The following MARCHF1 variants were observed in gnomAD, a reference collection of about 807,000 sequenced individuals.
MARCHF1 encodes membrane associated ring-CH-type finger 1, also known as E3 ubiquitin-protein ligase MARCHF1.
MARCHF1 carries 40 observed loss-of-function variants against 54.2 expected under a neutral mutation model. The ratio of observed to expected loss-of-function variants is 0.74; its 90% CI spans 0.57 to 0.96. The LOEUF (loss-of-function observed/expected upper bound fraction) is 0.96, where lower values mean the gene tolerates loss of function less well. Among genes scored for constraint, MARCHF1 ranks in the 40% least tolerant of loss-of-function variants. The pLI is 0.00. For synonymous variants in MARCHF1, 236 were observed against 236.3 expected, an observed-to-expected ratio of 1.00 and a Z score of 0.01; for missense variants, 586 against 656.5, an observed-to-expected ratio of 0.89 and a Z score of 1.17.
chr4:164,034,482 A>G (rs1160966521), intron 2 of MARCHF1, among the ~76,000 whole-genome samples: 1 of 152,212 alleles, frequency 6.6e-6, no homozygotes, highest in African/African-American at 2.4e-5. Context: ...TATGTACCCA[A>G]AGGAAAATAA....
At chr4:163,887,424 AG>A (rs757651516) in intron 3 of MARCHF1, among the ~76,000 whole-genome samples, 22 of 152,104 alleles carry the variant, frequency 1.4e-4, no homozygotes, top group Non-Finnish European at 2.2e-4. Flanking sequence ...AAAAGAAAAG[AG>A]GCAAGTGTCC....
intron 1 of MARCHF1, among the ~76,000 whole-genome samples, chr4:164,153,984 C>A (rs572566111): frequency 4.1e-4 from 62 of 152,196 alleles, no homozygotes; most frequent in Non-Finnish European, 7.4e-4. Context: ...GCTCTATTAA[C>A]CTGTTCTATA....
At chr4:164,179,772 A>T (rs1413479635) in intron 1 of MARCHF1, among the ~76,000 whole-genome samples, 1 of 151,790 alleles carries the variant, frequency 6.6e-6, no homozygotes, top group Non-Finnish European at 1.5e-5. Flanking sequence ...TCTCTTTTTT[A>T]AAAAAGAAAA....
intron 1 of MARCHF1, among the ~76,000 whole-genome samples, chr4:164,174,321 A>G (rs1375211425): frequency 6.6e-6 from 1 of 152,232 alleles, no homozygotes; most frequent in Non-Finnish European, 1.5e-5. Flanking sequence ...GGTTGATTGA[A>G]GTGAAGTAAA....
intron 4 of MARCHF1, among the ~76,000 whole-genome samples, chr4:163,805,863 C>T (rs1211459745): frequency 6.6e-6 from 1 of 152,138 alleles, no homozygotes; most frequent in Admixed American, 6.5e-5. Flanking sequence ...GTTCTCTTAC[C>T]TTTGCCAAAA....
chr4:164,330,274 A>T (rs568335641), intron 1 of MARCHF1: 1 of 152,072 alleles, frequency 6.6e-6, no homozygotes, highest in African/African-American at 2.4e-5. Context: ...GAGCCTACAC[A>T]TTCTTTACAG....
intron 4 of MARCHF1, among the ~76,000 whole-genome samples, chr4:163,824,736 A>G (rs1167520240): frequency 5.8e-5 from 5 of 86,632 alleles, no homozygotes; most frequent in African/African-American, 1.8e-4. Flanking sequence ...TTCACAACCT[A>G]CTCATCTGAC....
intron 5 of MARCHF1, among the ~76,000 whole-genome samples, chr4:163,662,679 T>C (rs192071282): frequency 6.6e-6 from 1 of 152,126 alleles, no homozygotes; most frequent in Admixed American, 6.6e-5. Flanking sequence ...AAAAGCTGAT[T>C]AGGTCTATGT....
intron 1 of MARCHF1, among the ~76,000 whole-genome samples, chr4:164,300,166 C>G (rs1734517067): frequency 6.6e-6 from 1 of 152,140 alleles, no homozygotes; most frequent in Admixed American, 6.6e-5. Context: ...TTCCTCCCTA[C>G]TTCCATCACT....
intron 7 of MARCHF1, among the ~76,000 whole-genome samples, chr4:163,608,477 G>C (rs1741215438): frequency 1.3e-5 from 2 of 152,180 alleles, no homozygotes; most frequent in South Asian, 4.1e-4. Flanking sequence ...GCACCTTCCA[G>C]TGAGGGCGAT....
At chr4:163,800,345 T>C (rs1378781108) in intron 4 of MARCHF1, among the ~76,000 whole-genome samples, 1 of 152,000 alleles carries the variant, frequency 6.6e-6, no homozygotes, top group Admixed American at 6.6e-5. Flanking sequence ...TTATATATTA[T>C]TATTAATTAT....
chr4:163,968,908 C>T (rs1260125737), intron 3 of MARCHF1, among the ~76,000 whole-genome samples: 1 of 152,100 alleles, frequency 6.6e-6, no homozygotes, highest in Non-Finnish European at 1.5e-5. Flanking sequence ...ATTAGGAGGG[C>T]TAAGCTTAAT....
At chr4:164,060,181 A>G (rs1754584908) in intron 2 of MARCHF1, among the ~76,000 whole-genome samples, 1 of 152,096 alleles carries the variant, frequency 6.6e-6, no homozygotes, top group Non-Finnish European at 1.5e-5. Flanking sequence ...TTTATCTAAA[A>G]TATCCATATT....
At chr4:163,651,157 G>A (rs1742949022) in intron 5 of MARCHF1, among the ~76,000 whole-genome samples, 1 of 151,902 alleles carries the variant, frequency 6.6e-6, no homozygotes, top group South Asian at 2.1e-4. Context: ...TGAATGAATG[G>A]CTTGTTTTGG....
chr4:164,190,217 C>T lies in MARCHF1; in HGVS notation c.-322-78555G>A, dbSNP rs1313073166. On this transcript the variant is annotated intron_variant, in intron 1 of 9. Coordinates refer to ENST00000514618, the MANE Select transcript of MARCHF1 (RefSeq NM_001394959.1). Reference sequence around the variant, plus strand: ...GCCACCAAGCTGCTGACATTGAAGACTTCGAAGCTAACAAGAAGGAACTGG... The same window carrying T: ...GCCACCAAGCTGCTGACATTGAAGATTTCGAAGCTAACAAGAAGGAACTGG... The T allele has an allele frequency of 2.7e-6, 4 of 1,477,880 alleles. No homozygotes were observed. The African/African-American group carries it at 5.6e-5, about 21-fold the overall frequency. The allele number at this position is 1,477,880 out of a possible 1,614,324, so 91.5% of individuals were successfully genotyped here.
At chr4:163,920,713 G>A (rs1188166242) in intron 3 of MARCHF1, among the ~76,000 whole-genome samples, 1 of 152,106 alleles carries the variant, frequency 6.6e-6, no homozygotes, top group East Asian at 1.9e-4. Flanking sequence ...GATGGGCCAA[G>A]AGCTGGGAAA....
intron 2 of MARCHF1, among the ~76,000 whole-genome samples, chr4:164,086,259 T>A (rs1056060558): frequency 1.3e-4 from 20 of 151,994 alleles, no homozygotes; most frequent in African/African-American, 4.8e-4. Flanking sequence ...ACAAACTCTA[T>A]AAATACTGGC....
intron 1 of MARCHF1, among the ~76,000 whole-genome samples, chr4:164,343,454 C>T: frequency 6.6e-6 from 1 of 152,006 alleles, no homozygotes; most frequent in East Asian, 1.9e-4. Context: ...AAAATATTTG[C>T]AAACTATGCA....
At chr4:164,244,433 G>A (rs1307772194) in intron 1 of MARCHF1, among the ~76,000 whole-genome samples, 4 of 151,040 alleles carry the variant, frequency 2.6e-5, no homozygotes, top group Non-Finnish European at 3.0e-5. Context: ...CAACATACCA[G>A]AATCTCTGGG....
Sources: gnomAD v4.1 joint callset for allele counts (sites outside exome capture counted in the v4.1 genomes callset) on GRCh38, gnomAD v4.1.1 for gene constraint, MANE v1.5 for transcripts, NCBI Gene and HGNC (gene_info 2026-07-23, HGNC 2026-07-21) for gene names.